The following FBXO9 variants were observed in gnomAD, a reference collection of about 807,000 sequenced individuals.
The protein encoded by FBXO9 is F-box protein 9, also known as F-box only protein 9.
FBXO9 carries 43 observed loss-of-function variants against 63.7 expected under a neutral mutation model. The ratio of observed to expected loss-of-function variants is 0.67; its 90% CI spans 0.53 to 0.87. The LOEUF is 0.87. Among genes scored for constraint, FBXO9 ranks in the 40% least tolerant of loss-of-function variants. The pLI is 0.00. For synonymous variants in FBXO9, 156 were observed against 171.7 expected (o/e 0.91, Z 0.72); for missense variants, 442 against 533.2 (o/e 0.83, Z 1.68).
Position 53,066,151 on chromosome 6 carries a change from G to A in FBXO9, c.3+359G>A, listed in dbSNP as rs1042462001. Reference sequence around the variant, plus strand: ...TCAGAAGCATTGAGCATAGATTGAGGTAAGCTGTCACAGCGCCTGAATTCG... The same window carrying A: ...TCAGAAGCATTGAGCATAGATTGAGATAAGCTGTCACAGCGCCTGAATTCG... On this transcript the variant is annotated intron_variant, in intron 1 of 12. Transcript: ENST00000323557. The A allele has an allele frequency of 5.6e-6, 6 of 1,070,798 alleles. No homozygotes were observed. The African/African-American group carries it at 8.3e-5, about 15-fold the overall frequency. The allele number at this position is 1,070,798 out of a possible 1,614,324, so 66.3% of individuals were successfully genotyped here.
At chr6:53,074,743 CTAAGTA>C (rs1222421438) in intron 3 of FBXO9, among the ~76,000 whole-genome samples, 8 of 152,284 alleles carry the variant, frequency 5.3e-5, no homozygotes, top group East Asian at 3.9e-4. Context: ...GCTTTTTTCA[CTAAGTA>C]TAATTCCCTC....
At position 53,080,977 on chromosome 6, in the gene FBXO9, T is replaced by A; in HGVS notation, c.417T>A (p.Asp139Glu). 1 of 1,613,688 alleles carries A rather than the reference T, an allele frequency of 6.2e-7. No individual in the cohort carries two copies. Among genetic ancestry groups the A allele is most frequent in the African/African-American group, 1.3e-5 (1 of 75,054 alleles). ...ACCTCCCTTTTTTCAGCATTGAAGA[T>A]AATGATGATGACAGCAAAATGGCAG... ...GDGVGNSYIEDNDDDSKMADL... is the reference protein window; with the variant it reads ...GDGVGNSYIEENDDDSKMADL... The change falls in exon 6 of 13, where the codon GAT (aspartate) becomes GAA (glutamate). Residue 139 changes from aspartate to glutamate, a missense_variant. This residue lies in a region of FBXO9 where 180 missense variants were observed against 171.1 expected (regional missense o/e 1.05). Coordinates refer to ENST00000323557, the MANE Select transcript of FBXO9 (RefSeq NM_033480.3).
At chr6:53,097,663 A>T in intron 12 of FBXO9, 59 bp from the exon 13 acceptor site, 1 of 1,004,624 alleles carries the variant, frequency 1.0e-6, no homozygotes, top group Non-Finnish European at 1.5e-6. Flanking sequence ...CAAACACACA[A>T]GGATTTTAAA....
intron 6 of FBXO9, among the ~76,000 whole-genome samples, chr6:53,081,812 C>G (rs145844451): frequency 1.3e-5 from 2 of 152,204 alleles, no homozygotes; most frequent in East Asian, 3.9e-4. Context: ...CTCACGCCTG[C>G]AATCTCAGCA....
chr6:53,092,391 G>A (rs1367095984), intron 7 of FBXO9, 38 bp from the exon 8 acceptor site: 3 of 1,432,272 alleles, frequency 2.1e-6, no homozygotes, highest in African/African-American at 2.8e-5. Flanking sequence ...TATGTATAGG[G>A]ACTTAGTTTT....
intron 3 of FBXO9, among the ~76,000 whole-genome samples, chr6:53,075,585 G>C (rs530868505): frequency 2.0e-5 from 3 of 150,602 alleles, no homozygotes; most frequent in Admixed American, 6.6e-5. Context: ...GTATGTAGTG[G>C]TATCTCATTG....
In FBXO9 at chr6:53,092,735, C is replaced by A; in HGVS notation, c.774C>A (p.Gly258=). The change falls in exon 9 of 13, where the codon GGC becomes GGA. Residue 258 remains glycine (G), a splice_region_variant and synonymous_variant. Transcript: ENST00000323557. ...AACTTTTTAAAATTATTTTCATAGG[C>A]GTGTATATCAGTAAAACCACATATA... ...FLERPRVRFD[G]VYISKTTYIR... The A allele has an allele frequency of 1.2e-6, 2 of 1,600,058 alleles. No individual in the cohort carries two copies. The highest frequency in any genetic ancestry group is 1.1e-5 in the South Asian group (1 of 89,186).
chr6:53,072,765 G>C (rs1253865970), intron 2 of FBXO9, among the ~76,000 whole-genome samples: 1 of 151,756 alleles, frequency 6.6e-6, no homozygotes, highest in African/African-American at 2.4e-5. Flanking sequence ...CATTGCCCAG[G>C]CTGGAGTGCA....
At position 53,093,378 on chromosome 6, in the gene FBXO9, A is replaced by G. The variant is rs531994881; in HGVS notation, c.864-88A>G. The stretch of plus-strand genomic sequence containing the variant: ...GTATTTCAGTGTTGGTTTCATAGCT[A>G]TGAATAGGCATAGGTACTAATAGAT... On this transcript the variant is annotated intron_variant, in intron 9 of 12. Coordinates refer to ENST00000323557, the MANE Select transcript of FBXO9 (RefSeq NM_033480.3). 1.2e-5 allele frequency: 10 copies of G among 809,876 alleles called. No homozygotes were observed. In the East Asian group the frequency reaches 2.1e-4, roughly 17 times the overall value. 50.2% of individuals were successfully genotyped at this position (809,876 alleles called of 1,614,324 possible).
chr6:53,082,645 A>G (rs1445817640), intron 7 of FBXO9, 27 bp downstream of exon 7: 2 of 1,511,500 alleles, frequency 1.3e-6, no homozygotes, highest in African/African-American at 2.8e-5. Context: ...TTTGTTTTTT[A>G]AACAACTGAG....
chr6:53,069,888 G>A lies in FBXO9; in HGVS notation c.4-1169G>A, dbSNP rs541662116. 1.1e-4 allele frequency among the ~76,000 whole-genome samples: 16 copies of A among 151,986 alleles called. No homozygotes were observed. In the East Asian group the frequency reaches 3.1e-3, roughly 29 times the overall value. Reference sequence around the variant, plus strand: ...TGAAGTTGGGTCATGAGTACTTAGGGATTAATTCTCTTTAAGTGTTTTTCT... The same window carrying A: ...TGAAGTTGGGTCATGAGTACTTAGGAATTAATTCTCTTTAAGTGTTTTTCT... On this transcript the variant is annotated intron_variant, in intron 1 of 12. Coordinates refer to ENST00000323557, the MANE Select transcript of FBXO9 (RefSeq NM_033480.3).
At chr6:53,074,548 T>C (rs903840054) in intron 3 of FBXO9, among the ~76,000 whole-genome samples, 2 of 152,214 alleles carry the variant, frequency 1.3e-5, no homozygotes, top group Non-Finnish European at 2.9e-5. Flanking sequence ...TGCAGTTTTA[T>C]TACAAGGTAG....
intron 1 of FBXO9, chr6:53,066,125 A>G: frequency 1.8e-6 from 2 of 1,129,900 alleles, no homozygotes; most frequent in Non-Finnish European, 2.2e-6. Context: ...AAGGGATTTT[A>G]TCAGAAGCAT....
At chr6:53,077,281 C>T (rs533508533) in intron 4 of FBXO9, among the ~76,000 whole-genome samples, 3 of 151,482 alleles carry the variant, frequency 2.0e-5, no homozygotes, top group Admixed American at 6.6e-5. Flanking sequence ...GAGACCATCC[C>T]GGCTAAAACG....
At position 53,097,776 on chromosome 6, in the gene FBXO9, C is replaced by G. The variant is rs375935034; in HGVS notation, c.1260C>G (p.Pro420=). 1.2e-6 allele frequency: 2 copies of G among 1,609,348 alleles called. No homozygotes were observed. The highest frequency in any genetic ancestry group is 1.7e-6 in the Non-Finnish European group (2 of 1,177,640). The change falls in exon 13 of 13, where the codon CCC becomes CCG. Residue 420 remains proline (P), a synonymous_variant. Transcript: ENST00000323557. ...TTGAGATTGACAAGATGTACACCCCCTTGTTCTTCGCCAGAGTAAGGAGCT... is the reference window on the plus strand; with the variant it reads ...TTGAGATTGACAAGATGTACACCCCGTTGTTCTTCGCCAGAGTAAGGAGCT... ...SAFEIDKMYT[P]LFFARVRSYT...
chr6:53,072,578 G>A (rs1768960208), intron 2 of FBXO9, among the ~76,000 whole-genome samples: 1 of 152,204 alleles, frequency 6.6e-6, no homozygotes, highest in Non-Finnish European at 1.5e-5. Context: ...TGATTTTGCT[G>A]AGGCAATACC....
In FBXO9 at chr6:53,071,107, T is replaced by C; in HGVS notation, c.54T>C (p.Asp18=). Residue 18 remains aspartate, a synonymous_variant, in exon 2 of 13, where the codon GAT becomes GAC. Transcript: ENST00000323557. ...CHSDTVRADD[D]EENESPAETD... ...CTGATACTGTCAGAGCAGATGATGA[T>C]GAAGAAAATGAAAGTCCTGCTGAAA... is the stretch of plus-strand genomic sequence containing the variant. The C allele has an allele frequency of 3.2e-6, 5 of 1,570,366 alleles. No individual in the cohort carries two copies. Among genetic ancestry groups the C allele is most frequent in the Non-Finnish European group, 4.3e-6 (5 of 1,155,618 alleles).
At chr6:53,091,550 G>A (rs1763040939) in intron 7 of FBXO9, 1 of 152,198 alleles carries the variant, frequency 6.6e-6, no homozygotes, top group Non-Finnish European at 1.5e-5. Context: ...TGTATTTTTA[G>A]TAGAGACAGG....
At chr6:53,089,689 A>G (rs574576863) in intron 7 of FBXO9, among the ~76,000 whole-genome samples, 14 of 152,212 alleles carry the variant, frequency 9.2e-5, no homozygotes, top group Non-Finnish European at 1.8e-4. Flanking sequence ...CAAAAAGTTT[A>G]TCATCTCAAA....
Sources: allele counts gnomAD v4.1 joint callset (sites outside exome capture counted in the v4.1 genomes callset), GRCh38; gene constraint gnomAD v4.1.1; regional missense constraint gnomAD v4.1.1; transcripts MANE v1.5; gene names NCBI Gene and HGNC (gene_info 2026-07-23, HGNC 2026-07-21).